The following IFT122 variants were observed in gnomAD, a reference collection of about 807,000 sequenced individuals.
IFT122 encodes the protein intraflagellar transport 122.
A neutral mutation model predicts 161.6 loss-of-function variants in IFT122; 118 were observed. That is an observed-to-expected ratio of 0.73 (90% CI 0.63 to 0.85). The LOEUF is 0.85. Among genes scored for constraint, IFT122 ranks in the 40% least tolerant of loss-of-function variants. IFT122 has a pLI of 0.00. For missense variants in IFT122, 1,381 were observed against 1,579.6 expected, an observed-to-expected ratio of 0.87 and a Z score of 2.13; for synonymous variants, 550 against 602.4, an observed-to-expected ratio of 0.91 and a Z score of 1.27.
rs538635135 is a variant in IFT122 at position 129,514,452 on chromosome 3, C to G, written c.3051C>G (p.His1017Gln). The part of the protein sequence containing the change: ...KALGAYRLAR[H>Q]AYDKLRGLYI... Reference sequence around the variant, plus strand: ...TCGGTGCCTACAGGCTGGCCCGGCACGCCTATGACAAGCTGCGTGGCCTGT... The same window carrying G: ...TCGGTGCCTACAGGCTGGCCCGGCAGGCCTATGACAAGCTGCGTGGCCTGT... The change falls in exon 25 of 30, where the codon CAC becomes CAG. Residue 1017 changes from histidine (H) to glutamine (Q), a missense_variant. Around this residue, in one of 7 missense-constraint regions of IFT122, gnomAD observed 496 missense variants for 502.5 expected, o/e 0.99. Coordinates refer to ENST00000348417, the MANE Select transcript of IFT122 (RefSeq NM_052989.3). 6.2e-7 allele frequency: 1 copy of G among 1,614,220 alleles called. No individual in the cohort carries two copies. Among genetic ancestry groups the G allele is most frequent in the South Asian group, 1.1e-5 (1 of 91,088 alleles).
intron 3 of IFT122, among the ~76,000 whole-genome samples, chr3:129,454,467 A>G (rs1173857364): frequency 1.3e-5 from 2 of 149,426 alleles, no homozygotes; most frequent in African/African-American, 2.5e-5. Flanking sequence ...AGACAAAACT[A>G]ATTTCTTGCT....
intron 1 of IFT122, among the ~76,000 whole-genome samples, chr3:129,447,786 C>T (rs1355738136): frequency 1.3e-5 from 2 of 152,196 alleles, no homozygotes; most frequent in African/African-American, 2.4e-5. Context: ...GCTGGGATTA[C>T]AGGCATGAGC....
intron 3 of IFT122, among the ~76,000 whole-genome samples, chr3:129,452,738 A>T (rs966624342): frequency 6.6e-6 from 1 of 152,156 alleles, no homozygotes; most frequent in African/African-American, 2.4e-5. Context: ...CAGAGGAGGG[A>T]TCTGATTTGA....
intron 23 of IFT122, among the ~76,000 whole-genome samples, chr3:129,511,947 T>C (rs1006120777): frequency 1.3e-5 from 2 of 152,190 alleles, no homozygotes. Flanking sequence ...TTCAGAGAAA[T>C]GGAATAATTA....
intron 7 of IFT122, 126 bp downstream of exon 7, chr3:129,464,907 C>G: frequency 9.3e-7 from 1 of 1,079,680 alleles, no homozygotes; most frequent in South Asian, 1.3e-5. Context: ...TAGAACCTGT[C>G]CCATTTGTAT....
intron 7 of IFT122, among the ~76,000 whole-genome samples, chr3:129,466,162 A>G (rs985311547): frequency 2.0e-5 from 3 of 152,220 alleles, no homozygotes; most frequent in African/African-American, 7.2e-5. Context: ...TATCCTTTAC[A>G]GAGTCCTCTG....
intron 15 of IFT122, among the ~76,000 whole-genome samples, chr3:129,485,276 C>T (rs991218016): frequency 3.3e-5 from 5 of 152,184 alleles, no homozygotes; most frequent in African/African-American, 1.2e-4. Context: ...GTTTCCCTTC[C>T]GCTAGGCTCT....
chr3:129,479,842 G>T lies in IFT122; in HGVS notation c.1408G>T (p.Glu470Ter). The change falls in exon 13 of 30, where the codon GAG becomes TAG. Residue 470 changes from glutamate to a stop codon, truncating the protein, a stop_gained. Coordinates refer to ENST00000348417, the MANE Select transcript of IFT122 (RefSeq NM_052989.3). LOFTEE classifies it high-confidence loss of function. Reference sequence around the variant, plus strand: ...AGTGAAGGAGCGGGAGTGGCAGATGGAGTCTCTCATTCGTTACATCAAGGT... The same window carrying T: ...AGTGAAGGAGCGGGAGTGGCAGATGTAGTCTCTCATTCGTTACATCAAGGT... ...SGVKEREWQM[E>*]SLIRYIKVIG... 1.2e-6 allele frequency: 2 copies of T among 1,614,072 alleles called. No individual in the cohort carries two copies. Among genetic ancestry groups the T allele is most frequent in the Non-Finnish European group, 1.7e-6 (2 of 1,179,994 alleles).
At position 129,500,081 on chromosome 3, in the gene IFT122, C is replaced by T. The variant is rs749785449; in HGVS notation, c.2375+13C>T. 4.6e-5 allele frequency: 74 copies of T among 1,613,928 alleles called. No homozygotes were observed. In the East Asian group the frequency reaches 1.5e-3, roughly 34 times the overall value. On this transcript the variant is annotated intron_variant, in intron 19 of 29. Transcript: ENST00000348417. The stretch of plus-strand genomic sequence containing the variant: ...GCTGGGTTGACATGTAGGTTTTGGT[C>T]CCTGCCCCGAGAAGCATTTGGCAGC...
intron 11 of IFT122, 131 bp downstream of exon 11, chr3:129,476,932 T>A: frequency 9.7e-7 from 1 of 1,030,926 alleles, no homozygotes; most frequent in Non-Finnish European, 1.4e-6. Context: ...CCACTGGGTC[T>A]GTGTCTTGTT....
chr3:129,514,190 T>C (rs945995000), intron 24 of IFT122, 199 bp from the exon 25 acceptor site: 10 of 703,534 alleles, frequency 1.4e-5, no homozygotes, highest in Middle Eastern at 4.6e-4. Flanking sequence ...GTTTTTATCT[T>C]TGGAAAAATT....
At chr3:129,509,809 G>GT (rs1276295956) in intron 23 of IFT122, among the ~76,000 whole-genome samples, 1 of 152,150 alleles carries the variant, frequency 6.6e-6, no homozygotes, top group Non-Finnish European at 1.5e-5. Context: ...TAGTATGTTG[G>GT]TTTAGTGGGT....
chr3:129,481,419 G>GA, intron 13 of IFT122, 111 bp from the exon 14 acceptor site: 1 of 984,236 alleles, frequency 1.0e-6, no homozygotes. Flanking sequence ...AGCTTCTGGT[G>GA]AAGGTGGTGG....
rs1560017668 is a variant in IFT122 at position 129,515,528 on chromosome 3, CGCTGCTCAACAACCT to C, written c.3196_3210del (p.Leu1066_Leu1070del). ...TGCTACCGCTGCTCCACCAACAACCCGCTGCTCAACAACCTGGGCAACGTCTGCATCAACTGCCGC... is the reference window on the plus strand; with the variant it reads ...TGCTACCGCTGCTCCACCAACAACCCGGGCAACGTCTGCATCAACTGCCGC... On this transcript the variant is annotated inframe_deletion, in exon 26 of 30. Transcript: ENST00000348417. 1 of 1,580,776 alleles carries C rather than the reference CGCTGCTCAACAACCT, an allele frequency of 6.3e-7. No homozygotes were observed. The highest frequency in any genetic ancestry group is 8.7e-7 in the Non-Finnish European group (1 of 1,152,310).
At chr3:129,445,499 G>A (rs2073887161) in intron 1 of IFT122, among the ~76,000 whole-genome samples, 2 of 152,178 alleles carry the variant, frequency 1.3e-5, no homozygotes, top group Admixed American at 1.3e-4. Context: ...GTTAATACAT[G>A]TAAAGCATTT....
chr3:129,467,111 G>A, intron 8 of IFT122, 45 bp downstream of exon 8: 1 of 1,574,456 alleles, frequency 6.4e-7, no homozygotes, highest in Non-Finnish European at 8.7e-7. Context: ...TAAGGGCCCA[G>A]GCCCCACACA....
intron 8 of IFT122, among the ~76,000 whole-genome samples, chr3:129,467,824 C>G (rs1390972556): frequency 6.6e-6 from 1 of 152,226 alleles, no homozygotes; most frequent in African/African-American, 2.4e-5. Flanking sequence ...GAATCCCACC[C>G]TGAGGTCATG....
intron 7 of IFT122, among the ~76,000 whole-genome samples, chr3:129,465,181 G>T (rs2076610801): frequency 6.7e-6 from 1 of 150,364 alleles, no homozygotes; most frequent in Admixed American, 6.6e-5. Flanking sequence ...TGATGCAGCA[G>T]GACCATTTCC....
intron 29 of IFT122, among the ~76,000 whole-genome samples, 171 bp downstream of exon 29, chr3:129,519,903 T>C (rs971062245): frequency 1.3e-5 from 2 of 152,104 alleles, no homozygotes; most frequent in African/African-American, 2.4e-5. Context: ...GCATCTAAAG[T>C]GGACTTCACT....
Sources: allele counts gnomAD v4.1 joint callset (sites outside exome capture counted in the v4.1 genomes callset), GRCh38; gene constraint gnomAD v4.1.1; regional missense constraint gnomAD v4.1.1; transcripts MANE v1.5; gene names NCBI Gene and HGNC (gene_info 2026-07-23, HGNC 2026-07-21).